The following PHACTR2 variants were observed in gnomAD, a reference collection of about 807,000 sequenced individuals.
PHACTR2 encodes the protein chromosome 6 open reading frame 56.
Under a neutral mutation model 76.0 loss-of-function variants are expected in PHACTR2, and 30 were observed. The observed-to-expected ratio is 0.39, with a 90% CI of 0.30 to 0.54. The LOEUF (loss-of-function observed/expected upper bound fraction) is 0.54. Ranked by LOEUF, PHACTR2 falls within the 20% of genes least tolerant of loss-of-function variation. PHACTR2 has a pLI of 0.61. For synonymous variants in PHACTR2, 292 were observed against 292.5 expected (o/e 1.00, Z 0.02); for missense variants, 696 against 781.1 (o/e 0.89, Z 1.30).
intron 10 of PHACTR2, among the ~76,000 whole-genome samples, chr6:143,786,541 C>T (rs1167653327): frequency 1.3e-5 from 2 of 152,214 alleles, no homozygotes; most frequent in African/African-American, 2.4e-5. Flanking sequence ...GAACACCCCA[C>T]TCCTGGTACC....
rs1057015218 is a variant in PHACTR2 at position 143,822,483 on chromosome 6, A to T, written c.1923-1191A>T. ...AGTTCAAGACCAGCCTAGGTAACAT[A>T]GCGAGACCCCCATATCTAATTAAAA... On this transcript the variant is annotated intron_variant, in intron 12 of 12. Transcript: ENST00000440869. This position sits in a 1 kb window ranked among gnomAD's most constrained non-coding sequence, Gnocchi z 5.5. Among the ~76,000 whole-genome samples the T allele has an allele frequency of 7.9e-5, 12 of 152,238 alleles. No homozygotes were observed. Among genetic ancestry groups the T allele is most frequent in the African/African-American group, 1.2e-4 (5 of 41,474 alleles).
rs191151293 is a variant in PHACTR2 at position 143,737,447 on chromosome 6, A to G, written c.215-11538A>G. Among the ~76,000 whole-genome samples, 635 of 152,022 alleles carry G rather than the reference A, an allele frequency of 4.2e-3. 9 individuals are homozygous for G. Among genetic ancestry groups the G allele is most frequent in the African/African-American group, 0.014 (571 of 41,470 alleles). ...GCCACACCCAGCCCAGTCTATTCTA[A>G]CCTATTGTATGAAATATTCTATTAT... On this transcript the variant is annotated intron_variant, in intron 2 of 12. Coordinates refer to ENST00000440869, the MANE Select transcript of PHACTR2 (RefSeq NM_001100164.2).
chr6:143,650,371 C>G (rs1776740008), intron 1 of PHACTR2, among the ~76,000 whole-genome samples: 2 of 152,038 alleles, frequency 1.3e-5, no homozygotes, highest in Admixed American at 1.3e-4. Flanking sequence ...AAAAAGAGCC[C>G]AAATAGCCGA....
chr6:143,744,778 T>C (rs945946298), intron 2 of PHACTR2, among the ~76,000 whole-genome samples: 6 of 152,204 alleles, frequency 3.9e-5, no homozygotes, highest in African/African-American at 1.2e-4. Flanking sequence ...TGGGAAGTTT[T>C]TGGAAGATTA....
At chr6:143,758,162 C>T (rs73778686) in intron 4 of PHACTR2, among the ~76,000 whole-genome samples, 4,827 of 152,318 alleles carry the variant, frequency 0.032, 269 homozygotes, top group African/African-American at 0.11. Flanking sequence ...CTATCTCCTC[C>T]TTCCCAAACC....
chr6:143,588,232 T>C (rs1462902590), intron 1 of PHACTR2, among the ~76,000 whole-genome samples: 1 of 152,178 alleles, frequency 6.6e-6, no homozygotes, highest in African/African-American at 2.4e-5. Flanking sequence ...AGGTGGTACT[T>C]AGTAACTCCA....
chr6:143,640,031 A>G (rs1357384041), intron 1 of PHACTR2, among the ~76,000 whole-genome samples: 1 of 152,214 alleles, frequency 6.6e-6, no homozygotes, highest in Non-Finnish European at 1.5e-5. Flanking sequence ...TGTAACTGTA[A>G]TAGAGTTGAA....
Position 143,807,028 on chromosome 6 carries a change from T to C in PHACTR2, c.1846-29T>C. ...GGCAATATATGACCTAAATAACAGT[T>C]CTGTTTATCTATTTTTTTTCCTGTT... is the stretch of plus-strand genomic sequence containing the variant. On this transcript the variant is annotated intron_variant, in intron 11 of 12. Coordinates refer to ENST00000440869, the MANE Select transcript of PHACTR2 (RefSeq NM_001100164.2). This position sits in a 1 kb window ranked among gnomAD's most constrained non-coding sequence, Gnocchi z 5.5. The C allele has an allele frequency of 7.8e-7, 1 of 1,275,742 alleles. No individual in the cohort carries two copies. Among genetic ancestry groups the C allele is most frequent in the Non-Finnish European group, 1.1e-6 (1 of 878,232 alleles). The allele number at this position is 1,275,742 out of a possible 1,614,324, so 79.0% of individuals were successfully genotyped here.
rs969108352 is a variant in PHACTR2 at position 143,671,680 on chromosome 6, G to A, written c.14-40336G>A. 6.6e-6 allele frequency among the ~76,000 whole-genome samples: 1 copy of A among 152,134 alleles called. No homozygotes were observed. The highest frequency in any genetic ancestry group is 1.5e-5 in the Non-Finnish European group (1 of 68,028). On this transcript the variant is annotated intron_variant, in intron 1 of 11. Coordinates refer to the PHACTR2 transcript ENST00000305766. The surrounding 1 kb of genome is among the most constrained non-coding windows in gnomAD (Gnocchi z 4.6). Reference sequence around the variant, plus strand: ...TCCTAAGTACCTAGAACAAAGACTGGTAAAAAGGAGATGCATAATAAATAT... The same window carrying A: ...TCCTAAGTACCTAGAACAAAGACTGATAAAAAGGAGATGCATAATAAATAT...
rs1466888788 is a variant in PHACTR2 at position 143,784,772 on chromosome 6, A to T, written c.1707+1492A>T. On this transcript the variant is annotated intron_variant, in intron 10 of 12. Coordinates refer to ENST00000440869, the MANE Select transcript of PHACTR2 (RefSeq NM_001100164.2). The surrounding 1 kb of genome is among the most constrained non-coding windows in gnomAD (Gnocchi z 4.5). The stretch of plus-strand genomic sequence containing the variant: ...ATGGCAGGAGGCAAAAGGCTCTTCT[A>T]ACATGGTGGCGGCAAAAGAAAATGA... Among the ~76,000 whole-genome samples the T allele has an allele frequency of 1.3e-5, 2 of 152,198 alleles. No individual in the cohort carries two copies. The highest frequency in any genetic ancestry group is 2.4e-5 in the African/African-American group (1 of 41,444).
rs1775311536 is a variant in PHACTR2 at position 143,777,525 on chromosome 6, A to T, written c.1645+142A>T. 3 of 430,144 alleles carry T rather than the reference A, an allele frequency of 7.0e-6. No homozygotes were observed. The highest frequency in any genetic ancestry group is 1.2e-5 in the Non-Finnish European group (3 of 244,506). 26.6% of individuals were successfully genotyped at this position (430,144 alleles called of 1,614,324 possible). A position where few individuals can be genotyped will look rare whatever the true frequency, so the allele number is the denominator to read the frequency against. ...AATAGTCCATTTATGTCACATTTAT[A>T]TGTAATTGTTTATATATTTTTTTAA... On this transcript the variant is annotated intron_variant, in intron 9 of 12. Coordinates refer to ENST00000440869, the MANE Select transcript of PHACTR2 (RefSeq NM_001100164.2). This position sits in a 1 kb window ranked among gnomAD's most constrained non-coding sequence, Gnocchi z 4.6.
chr6:143,587,096 A>AT (rs754688228), intron 1 of PHACTR2, among the ~76,000 whole-genome samples: 4 of 152,340 alleles, frequency 2.6e-5, no homozygotes, highest in Middle Eastern at 3.4e-3. Context: ...ACCAGTGTTC[A>AT]TTTAATTTTA....
rs1039280228 is a variant in PHACTR2, at chr6:143,795,682, C to T, written c.1845+6772C>T. Among the ~76,000 whole-genome samples, 3 of 152,140 alleles carry T rather than the reference C, an allele frequency of 2.0e-5. No individual in the cohort carries two copies. The highest frequency in any genetic ancestry group is 7.2e-5 in the African/African-American group (3 of 41,428). On this transcript the variant is annotated intron_variant, in intron 11 of 12. Coordinates refer to ENST00000440869, the MANE Select transcript of PHACTR2 (RefSeq NM_001100164.2). The surrounding 1 kb of genome is among the most constrained non-coding windows in gnomAD (Gnocchi z 4.8). ...GAGAGGGGCAGGCTTTAGAACTGGG[C>T]ACTTCTAGGATGGATTGATCCTTGA...
rs1230326102 is a variant in PHACTR2 at position 143,777,694 on chromosome 6, G to A, written c.1645+311G>A. 6.6e-6 allele frequency among the ~76,000 whole-genome samples: 1 copy of A among 152,110 alleles called. No individual in the cohort carries two copies. ...CCCAAATATTAAATAGAAAAAGAAT[G>A]CTCTAGTCTTCTCGCAAATAAATGT... On this transcript the variant is annotated intron_variant, in intron 9 of 12. Transcript: ENST00000440869. This position sits in a 1 kb window ranked among gnomAD's most constrained non-coding sequence, Gnocchi z 4.6.
In PHACTR2 at chr6:143,765,193, C is replaced by T. The variant is rs549739648; in HGVS notation, c.695-68C>T. The T allele has an allele frequency of 6.5e-6, 8 of 1,223,744 alleles. No homozygotes were observed. Among genetic ancestry groups the T allele is most frequent in the African/African-American group, 1.5e-5 (1 of 66,432 alleles). 75.8% of individuals were successfully genotyped at this position (1,223,744 alleles called of 1,614,324 possible). On this transcript the variant is annotated intron_variant, in intron 5 of 12. Coordinates refer to ENST00000440869, the MANE Select transcript of PHACTR2 (RefSeq NM_001100164.2). This position sits in a 1 kb window ranked among gnomAD's most constrained non-coding sequence, Gnocchi z 4.1. ...ATTTTAAATGTTGTTGACAGTTACACCTTGGTTACTTTATTTTAAAAAGCA... is the reference window on the plus strand; with the variant it reads ...ATTTTAAATGTTGTTGACAGTTACATCTTGGTTACTTTATTTTAAAAAGCA...
chr6:143,675,468 G>A (rs2128451678), upstream of PHACTR2, among the ~76,000 whole-genome samples: 1 of 152,312 alleles, frequency 6.6e-6, no homozygotes, highest in Non-Finnish European at 1.5e-5. The surrounding 1 kb of genome is among the most constrained non-coding windows in gnomAD (Gnocchi z 4.9). Flanking sequence ...CTAGCTGGTT[G>A]AAGGCCTGTA....
rs1775051469 is a variant in PHACTR2 at position 143,549,240 on chromosome 6, G to A, written c.217+12033G>A. 6.6e-6 allele frequency among the ~76,000 whole-genome samples: 1 copy of A among 152,028 alleles called. No homozygotes were observed. Among genetic ancestry groups the A allele is most frequent in the African/African-American group, 2.4e-5 (1 of 41,412 alleles). On this transcript the variant is annotated intron_variant, in intron 1 of 11. Transcript: ENST00000367584. This position sits in a 1 kb window ranked among gnomAD's most constrained non-coding sequence, Gnocchi z 4.2. ...ATAGTGGGCCTCACATGGCAGATCAGGCCTAGGTCTCTTCCCAAATGGAAC... is the reference window on the plus strand; with the variant it reads ...ATAGTGGGCCTCACATGGCAGATCAAGCCTAGGTCTCTTCCCAAATGGAAC...
rs1372755308 is a variant in PHACTR2 at position 143,829,232 on chromosome 6, A to G, written c.*5543A>G. 1 of 145,566 alleles carries G rather than the reference A, an allele frequency of 6.9e-6. No individual in the cohort carries two copies. The highest frequency in any genetic ancestry group is 2.6e-5 in the African/African-American group (1 of 38,366). 9.0% of individuals were successfully genotyped at this position (145,566 alleles called of 1,614,324 possible). Reference sequence around the variant, plus strand: ...TTTTGCCTTACAACTTTTCTTTAGAACCACATTATTGGTCATAATCCTTGT... The same window carrying G: ...TTTTGCCTTACAACTTTTCTTTAGAGCCACATTATTGGTCATAATCCTTGT... On this transcript the variant is annotated 3_prime_UTR_variant, in exon 13 of 13. Transcript: ENST00000440869.
At chr6:143,643,679 A>C (rs1776606083) in intron 1 of PHACTR2, among the ~76,000 whole-genome samples, 1 of 152,212 alleles carries the variant, frequency 6.6e-6, no homozygotes, top group African/African-American at 2.4e-5. Flanking sequence ...AAATGTTCAG[A>C]TCTAGATAAT....
Sources: allele counts gnomAD v4.1 joint callset (sites outside exome capture counted in the v4.1 genomes callset), GRCh38; gene constraint gnomAD v4.1.1; non-coding constraint Gnocchi (gnomAD v3.1); transcripts MANE v1.5; gene names NCBI Gene and HGNC (gene_info 2026-07-23, HGNC 2026-07-21).